SH3PXD2A: variants seen among roughly 807,000 people sequenced by gnomAD.
SH3PXD2A encodes SH3 and PX domains 2A.
In SH3PXD2A, 32 loss-of-function variants were observed where a neutral mutation model predicts 115.2. The observed-to-expected ratio is 0.28, with a 90% CI of 0.21 to 0.37. SH3PXD2A has a LOEUF of 0.37. SH3PXD2A is among the 10% of genes least tolerant of loss of function. The pLI is 1.00. For missense variants in SH3PXD2A, 1,328 were observed against 1,498.7 expected (o/e 0.89, Z 1.88); for synonymous variants, 610 against 629.1 (o/e 0.97, Z 0.45).
chr10:103,642,334 T>C (rs2036968124), intron 8 of SH3PXD2A, among the ~76,000 whole-genome samples: 1 of 152,210 alleles, frequency 6.6e-6, no homozygotes, highest in South Asian at 2.1e-4. Flanking sequence ...CTTTCTTTGC[T>C]ACACAGATTT....
chr10:103,821,221 C>T (rs1203451652), intron 1 of SH3PXD2A, among the ~76,000 whole-genome samples: 2 of 147,364 alleles, frequency 1.4e-5, no homozygotes, highest in African/African-American at 5.0e-5. Context: ...CGGCTTACTG[C>T]AACCTCCACC....
At position 103,693,066 on chromosome 10, in the gene SH3PXD2A, A is replaced by G; in HGVS notation, c.399-10T>C. ...GGAACTGCCATAGTCCCTGAAAAAG[A>G]AGCAACAACAGATAGACATGGTTAG... On this transcript the variant is annotated splice_polypyrimidine_tract_variant and intron_variant, in intron 5 of 14. Transcript: ENST00000369774. The G allele has an allele frequency of 6.2e-7, 1 of 1,613,424 alleles. No individual in the cohort carries two copies. The highest frequency in any genetic ancestry group is 8.5e-7 in the Non-Finnish European group (1 of 1,179,530).
chr10:103,687,571 C>G (rs551656085), intron 6 of SH3PXD2A, among the ~76,000 whole-genome samples: 1 of 152,258 alleles, frequency 6.6e-6, no homozygotes, highest in East Asian at 1.9e-4. Flanking sequence ...TCCACTGCTG[C>G]CAGAGCCCAC....
chr10:103,621,131 G>A (rs1243233937), intron 10 of SH3PXD2A, among the ~76,000 whole-genome samples: 1 of 152,172 alleles, frequency 6.6e-6, no homozygotes, highest in East Asian at 1.9e-4. Context: ...TCGTATCTGT[G>A]GCCATGAGGG....
At chr10:103,768,093 C>T (rs1330135903) in intron 2 of SH3PXD2A, among the ~76,000 whole-genome samples, 1 of 152,186 alleles carries the variant, frequency 6.6e-6, no homozygotes, top group African/African-American at 2.4e-5. Flanking sequence ...CTTTCAAATA[C>T]ATATTGAGCA....
chr10:103,638,146 G>T (rs1459176105), intron 8 of SH3PXD2A, among the ~76,000 whole-genome samples: 4 of 152,148 alleles, frequency 2.6e-5, no homozygotes, highest in Admixed American at 2.6e-4. Context: ...GCCACTCAGC[G>T]GGTCCTACCT....
At chr10:103,739,388 C>T (rs570898343) in intron 3 of SH3PXD2A, among the ~76,000 whole-genome samples, 3 of 152,214 alleles carry the variant, frequency 2.0e-5, no homozygotes, top group African/African-American at 4.8e-5. Flanking sequence ...CCCCCTTTCC[C>T]GCTGAAATCC....
intron 8 of SH3PXD2A, among the ~76,000 whole-genome samples, chr10:103,647,060 G>A (rs975984094): frequency 8.5e-5 from 13 of 152,058 alleles, no homozygotes; most frequent in African/African-American, 2.9e-4. Flanking sequence ...GTCAGGGGTG[G>A]GGGGATGGAG....
chr10:103,640,657 G>A (rs771218026), intron 8 of SH3PXD2A, among the ~76,000 whole-genome samples: 45 of 152,328 alleles, frequency 3.0e-4, no homozygotes, highest in Middle Eastern at 3.4e-3. Context: ...AGCTTTTAGA[G>A]AAGAAGGCGG....
chr10:103,809,396 A>AG (rs1432816519), intron 1 of SH3PXD2A, among the ~76,000 whole-genome samples: 1 of 152,136 alleles, frequency 6.6e-6, no homozygotes, highest in Non-Finnish European at 1.5e-5. Flanking sequence ...TGGGAGTTGG[A>AG]GGGGGTATAA....
At chr10:103,630,762 A>G (rs2133964259) in intron 8 of SH3PXD2A, among the ~76,000 whole-genome samples, 1 of 151,482 alleles carries the variant, frequency 6.6e-6, no homozygotes, top group East Asian at 1.9e-4. Context: ...AAAAAAAAAA[A>G]AAAGGAAAAA....
intron 2 of SH3PXD2A, among the ~76,000 whole-genome samples, chr10:103,774,721 T>C (rs1001737272): frequency 2.0e-5 from 3 of 152,062 alleles, no homozygotes; most frequent in Admixed American, 2.0e-4. Context: ...GTAGGCAGAG[T>C]TTTATGCTTT....
In SH3PXD2A at chr10:103,601,718, C is replaced by G; in HGVS notation, c.*98G>C. The G allele has an allele frequency of 5.2e-6, 1 of 191,086 alleles. No individual in the cohort carries two copies. The highest frequency in any genetic ancestry group is 1.0e-5 in the Non-Finnish European group (1 of 96,506). 11.8% of individuals were successfully genotyped at this position (191,086 alleles called of 1,614,324 possible). A position where few individuals can be genotyped will look rare whatever the true frequency, so the allele number is the denominator to read the frequency against. Reference sequence around the variant, plus strand: ...GTTGAATGTTGTCCACCCCCCACCCCCCACCCCCATTTTTTCCTTTCCCTT... The same window carrying G: ...GTTGAATGTTGTCCACCCCCCACCCGCCACCCCCATTTTTTCCTTTCCCTT... On this transcript the variant is annotated 3_prime_UTR_variant, in exon 15 of 15. Transcript: ENST00000369774.
At chr10:103,654,387 T>A (rs912302524) in intron 8 of SH3PXD2A, among the ~76,000 whole-genome samples, 1 of 152,054 alleles carries the variant, frequency 6.6e-6, no homozygotes, top group Non-Finnish European at 1.5e-5. Context: ...AGTCCTCAGA[T>A]ACCACCAAGT....
chr10:103,821,130 T>C (rs2039374947), intron 1 of SH3PXD2A, among the ~76,000 whole-genome samples: 1 of 148,024 alleles, frequency 6.8e-6, no homozygotes, highest in Non-Finnish European at 1.5e-5. Flanking sequence ...ATTTAATGTA[T>C]GGTCGTTCAT....
Position 103,596,677 on chromosome 10 carries a change from TCTCTCTCTCA to T in SH3PXD2A, c.*5129_*5138del, listed in dbSNP as rs1164346190. 9.1e-6 allele frequency: 1 copy of T among 110,002 alleles called. No individual in the cohort carries two copies. The highest frequency in any genetic ancestry group is 2.2e-5 in the Non-Finnish European group (1 of 45,772). The allele number at this position is 110,002 out of a possible 1,614,324, so 6.8% of individuals were successfully genotyped here. On this transcript the variant is annotated 3_prime_UTR_variant, in exon 15 of 15. Transcript: ENST00000369774. ...CACACACACACACTCTCTCTCTCTC[TCTCTCTCTCA>T]CAACACATGGCCCTCAAAAAAGTGA...
chr10:103,664,960 A>G (rs549143441), intron 7 of SH3PXD2A, among the ~76,000 whole-genome samples: 54 of 152,288 alleles, frequency 3.5e-4, no homozygotes, highest in African/African-American at 1.0e-3. Flanking sequence ...GGCATAAGCC[A>G]CCACGCCTGG....
chr10:103,802,348 G>A (rs2039155492), intron 1 of SH3PXD2A, among the ~76,000 whole-genome samples: 1 of 152,220 alleles, frequency 6.6e-6, no homozygotes, highest in African/African-American at 2.4e-5. Flanking sequence ...CGGATTTGAA[G>A]AAGAGGCGTT....
intron 8 of SH3PXD2A, among the ~76,000 whole-genome samples, chr10:103,646,434 G>C (rs995924785): frequency 3.3e-5 from 5 of 152,158 alleles, no homozygotes; most frequent in African/African-American, 1.2e-4. Flanking sequence ...TCATTCTAGA[G>C]ACTCGCCACA....
Sources: gnomAD v4.1 joint callset for allele counts (sites outside exome capture counted in the v4.1 genomes callset) on GRCh38, gnomAD v4.1.1 for gene constraint, MANE v1.5 for transcripts, NCBI Gene and HGNC (gene_info 2026-07-23, HGNC 2026-07-21) for gene names.